RAB22A: variants seen among roughly 807,000 people sequenced by gnomAD.
The protein encoded by RAB22A is RAB22A, member RAS oncogene family, also known as ras-related protein Rab-22A.
RAB22A carries 13 observed loss-of-function variants against 30.2 expected under a neutral mutation model. The ratio of observed to expected loss-of-function variants is 0.43; its 90% confidence interval spans 0.28 to 0.68. RAB22A has a LOEUF of 0.68. Ranked by LOEUF, RAB22A falls within the 30% of genes least tolerant of loss-of-function variation. The pLI, the probability that RAB22A is intolerant of heterozygous loss-of-function variation, is 0.18. For synonymous variants in RAB22A, 89 were observed against 87.2 expected, an observed-to-expected ratio of 1.02 and a Z score of -0.11; for missense variants, 177 against 246.8, an observed-to-expected ratio of 0.72 and a Z score of 1.89.
At chr20:58,335,036 G>T (rs1283470913) in intron 2 of RAB22A, among the ~76,000 whole-genome samples, 1 of 152,082 alleles carries the variant, frequency 6.6e-6, no homozygotes, top group Non-Finnish European at 1.5e-5. Flanking sequence ...ACATAAGAAT[G>T]GGCAAAGTGC....
chr20:58,344,977 A>G (rs1986921934), intron 3 of RAB22A, among the ~76,000 whole-genome samples: 1 of 152,152 alleles, frequency 6.6e-6, no homozygotes, highest in African/African-American at 2.4e-5. Flanking sequence ...TACATCTAGA[A>G]TGGAGCATTT....
In RAB22A at chr20:58,354,154, A is replaced by G; in HGVS notation, c.378-2A>G. 3.1e-6 allele frequency: 5 copies of G among 1,609,182 alleles called. No individual in the cohort carries two copies. Among genetic ancestry groups the G allele is most frequent in the Non-Finnish European group, 4.3e-6 (5 of 1,176,314 alleles). ...TTCTGATATGTAGTTGTTGCCTTCCAGAGAAGTCATGGAGAGAGATGCAAA... is the reference window on the plus strand; with the variant it reads ...TTCTGATATGTAGTTGTTGCCTTCCGGAGAAGTCATGGAGAGAGATGCAAA... On this transcript the variant is annotated splice_acceptor_variant, in intron 5 of 6. Transcript: ENST00000244040. LOFTEE classifies it high-confidence loss of function.
Position 58,309,863 on chromosome 20 carries a change from G to C in RAB22A, c.-114G>C, listed in dbSNP as rs1040344607. The C allele has an allele frequency of 3.7e-6, 4 of 1,077,216 alleles. 1 individual carries two copies. The highest frequency in any genetic ancestry group is 4.8e-6 in the Non-Finnish European group (4 of 837,074). The allele number at this position is 1,077,216 out of a possible 1,614,324, so 66.7% of individuals were successfully genotyped here. ...GGACGGGCGGCAGCCGCCTCTGCGC[G>C]GACCGGGGCTGGGCCGTGCGGCGGC... On this transcript the variant is annotated 5_prime_UTR_variant, in exon 1 of 7. Coordinates refer to ENST00000244040, the MANE Select transcript of RAB22A (RefSeq NM_020673.3).
intron 2 of RAB22A, among the ~76,000 whole-genome samples, chr20:58,324,684 T>C (rs1986524131): frequency 6.7e-6 from 1 of 149,570 alleles, no homozygotes; most frequent in Non-Finnish European, 1.5e-5. Context: ...CTGGCCAACA[T>C]TGTGAAACCC....
intron 6 of RAB22A, among the ~76,000 whole-genome samples, chr20:58,358,844 G>A (rs984781700): frequency 2.1e-4 from 32 of 150,522 alleles, no homozygotes; most frequent in South Asian, 2.1e-4. Flanking sequence ...GCAGTGAGCC[G>A]AGATCATGCC....
At chr20:58,342,514 TGAA>T (rs1042175830) in intron 2 of RAB22A, among the ~76,000 whole-genome samples, 2 of 152,166 alleles carry the variant, frequency 1.3e-5, no homozygotes, top group Admixed American at 6.5e-5. Flanking sequence ...GCACTTTTCT[TGAA>T]GATTATCACT....
intron 2 of RAB22A, among the ~76,000 whole-genome samples, chr20:58,323,315 A>C (rs1044485571): frequency 3.9e-5 from 6 of 152,168 alleles, no homozygotes; most frequent in African/African-American, 1.4e-4. Context: ...TAAAAATTGA[A>C]GTTATATCCA....
intron 2 of RAB22A, among the ~76,000 whole-genome samples, chr20:58,322,565 C>A (rs567784013): frequency 6.6e-6 from 1 of 152,268 alleles, no homozygotes; most frequent in East Asian, 1.9e-4. Flanking sequence ...GTTAATGATT[C>A]CATTGTATTT....
intron 2 of RAB22A, among the ~76,000 whole-genome samples, chr20:58,337,348 CT>C (rs1986774694): frequency 6.6e-6 from 1 of 152,170 alleles, no homozygotes; most frequent in Non-Finnish European, 1.5e-5. Flanking sequence ...ATCACCTTCT[CT>C]TCTGGCTCTC....
chr20:58,358,407 G>A (rs1987168572), intron 6 of RAB22A, among the ~76,000 whole-genome samples: 1 of 152,172 alleles, frequency 6.6e-6, no homozygotes, highest in Non-Finnish European at 1.5e-5. Flanking sequence ...AAATACCCAG[G>A]AGTAGAATAC....
chr20:58,359,812 C>T lies in RAB22A; in HGVS notation c.*109C>T. 1.1e-6 allele frequency: 1 copy of T among 917,190 alleles called. No homozygotes were observed. Among genetic ancestry groups the T allele is most frequent in the Non-Finnish European group, 1.6e-6 (1 of 611,170 alleles). 56.8% of individuals were successfully genotyped at this position (917,190 alleles called of 1,614,324 possible). A position where few individuals can be genotyped will look rare whatever the true frequency, so the allele number is the denominator to read the frequency against. ...TCACCTAGCCAGTCTTGAGTCTTCT[C>T]CGTGCAAAAAGGATTCACAGAAATG... On this transcript the variant is annotated 3_prime_UTR_variant, in exon 7 of 7. Coordinates refer to ENST00000244040, the MANE Select transcript of RAB22A (RefSeq NM_020673.3).
chr20:58,350,329 G>A (rs1189767512), intron 3 of RAB22A, among the ~76,000 whole-genome samples: 1 of 152,202 alleles, frequency 6.6e-6, no homozygotes, highest in African/African-American at 2.4e-5. Context: ...TCTAACGTAT[G>A]TGTAATTGGA....
intron 2 of RAB22A, among the ~76,000 whole-genome samples, chr20:58,343,250 C>T (rs538778822): frequency 1.1e-4 from 17 of 152,190 alleles, no homozygotes; most frequent in Admixed American, 2.6e-4. Context: ...GTTATTAATT[C>T]GCATGTTAAC....
intron 2 of RAB22A, among the ~76,000 whole-genome samples, chr20:58,343,476 T>C (rs545165247): frequency 1.3e-5 from 2 of 152,302 alleles, no homozygotes; most frequent in South Asian, 4.2e-4. Context: ...CTTGATTCTT[T>C]TGATAAGGAG....
rs1351341588 is a variant in RAB22A at position 58,366,457 on chromosome 20, CAGCT to C, written c.*6757_*6760del. ...CAATAATTGATTGTATATTTGAAAA[CAGCT>C]AGAAGAATAAGAATATTCCCAACAC... On this transcript the variant is annotated 3_prime_UTR_variant, in exon 7 of 7. Coordinates refer to ENST00000244040, the MANE Select transcript of RAB22A (RefSeq NM_020673.3). 6.6e-6 allele frequency: 1 copy of C among 151,966 alleles called. No individual in the cohort carries two copies. The highest frequency in any genetic ancestry group is 6.6e-5 in the Admixed American group (1 of 15,264). 9.4% of individuals were successfully genotyped at this position (151,966 alleles called of 1,614,324 possible).
At chr20:58,310,042 C>T in intron 1 of RAB22A, 30 bp downstream of exon 1, 1 of 1,262,798 alleles carries the variant, frequency 7.9e-7, no homozygotes. Context: ...GCCGGGAGGG[C>T]CACGGGAGGC....
At chr20:58,325,504 GCTTTTGCTGGATCCAACA>G in intron 2 of RAB22A, among the ~76,000 whole-genome samples, 1 of 152,216 alleles carries the variant, frequency 6.6e-6, no homozygotes, top group Middle Eastern at 3.4e-3. Context: ...CTTGACTGTG[GCTTTTGCTGGATCCAACA>G]AGTTTTTTTT....
intron 2 of RAB22A, among the ~76,000 whole-genome samples, chr20:58,329,333 A>G (rs948035832): frequency 6.6e-6 from 1 of 152,192 alleles, no homozygotes; most frequent in Non-Finnish European, 1.5e-5. Flanking sequence ...GATTACAGGC[A>G]TGAGCCACGG....
intron 2 of RAB22A, among the ~76,000 whole-genome samples, chr20:58,316,255 G>T (rs1444138735): frequency 6.6e-6 from 1 of 152,116 alleles, no homozygotes; most frequent in Admixed American, 6.5e-5. Flanking sequence ...CAGAATTCCT[G>T]CCCTCCCTGC....
Sources: allele counts gnomAD v4.1 joint callset (sites outside exome capture counted in the v4.1 genomes callset), GRCh38; gene constraint gnomAD v4.1.1; transcripts MANE v1.5; gene names NCBI Gene and HGNC (gene_info 2026-07-23, HGNC 2026-07-21).